Variants in UTY observed in about 807,000 individuals in gnomAD.
The protein encoded by UTY is ubiquitously transcribed tetratricopeptide repeat containing, Y-linked.
UTY carries 12 observed loss-of-function variants against 32.5 expected under a neutral mutation model. That is an observed-to-expected ratio of 0.37 (90% CI 0.24 to 0.60). UTY has a LOEUF of 0.60. UTY is among the 20% of genes least tolerant of loss of function. The pLI, the probability that UTY is intolerant of heterozygous loss-of-function variation, is 0.69. For missense variants in UTY, 303 were observed against 299.2 expected (o/e 1.01, Z -0.09); for synonymous variants, 131 against 103.4 (o/e 1.27, Z -1.62).
chrY:13,274,035 T>TA (rs370208300), intron 27 of UTY, among the ~76,000 whole-genome samples: 5 of 29,219 alleles, frequency 1.7e-4, no homozygotes, highest in African/African-American at 5.4e-4. Flanking sequence ...ACCAGATAGA[T>TA]AAAAAAATAG....
intron 28 of UTY, among the ~76,000 whole-genome samples, chrY:13,252,012 C>T (rs2054211123): frequency 3.4e-5 from 1 of 29,029 alleles, no homozygotes; most frequent in African/African-American, 1.4e-4. Flanking sequence ...AACCCCGTCT[C>T]TACTAAAAAT....
At chrY:13,311,486 T>G (rs2059082467) in intron 21 of UTY, among the ~76,000 whole-genome samples, 1 of 29,077 alleles carries the variant, frequency 3.4e-5, no homozygotes, top group South Asian at 8.1e-4. Flanking sequence ...TCCCAGCTAC[T>G]CGGGAGGCTG....
chrY:13,322,476 G>A (rs2059897395), intron 21 of UTY, among the ~76,000 whole-genome samples: 1 of 32,172 alleles, frequency 3.1e-5, no homozygotes, highest in Non-Finnish European at 7.6e-5. Context: ...GTAGAGATGG[G>A]TTTTACCATG....
At chrY:13,372,891 A>G (rs2065058634) in intron 8 of UTY, among the ~76,000 whole-genome samples, 1 of 33,423 alleles carries the variant, frequency 3.0e-5, no homozygotes, top group South Asian at 6.6e-4. Context: ...ATATCACTTC[A>G]CAATCACCAG....
intron 3 of UTY, among the ~76,000 whole-genome samples, chrY:13,459,262 C>A: frequency 3.1e-5 from 1 of 32,500 alleles, no homozygotes; most frequent in Non-Finnish European, 7.5e-5. Context: ...CCATTTGCAA[C>A]CTATAAAGTT....
At chrY:13,325,355 G>T (rs2060165489) in intron 19 of UTY, among the ~76,000 whole-genome samples, 1 of 32,883 alleles carries the variant, frequency 3.0e-5, no homozygotes, top group Non-Finnish European at 7.5e-5. Context: ...AAATCCTCTC[G>T]TACAGATCTG....
chrY:13,260,743 T>C (rs2055202330), intron 27 of UTY, among the ~76,000 whole-genome samples: 1 of 32,917 alleles, frequency 3.0e-5, no homozygotes, highest in Non-Finnish European at 7.5e-5. Flanking sequence ...AGTTCAGAAT[T>C]ACAGGTTGGA....
At chrY:13,318,929 G>C in intron 21 of UTY, among the ~76,000 whole-genome samples, 1 of 32,436 alleles carries the variant, frequency 3.1e-5, no homozygotes, top group Non-Finnish European at 7.5e-5. Flanking sequence ...ATTGAACCTG[G>C]GAGGTAGAGA....
intron 10 of UTY, among the ~76,000 whole-genome samples, chrY:13,362,892 T>C (rs2063687555): frequency 3.0e-5 from 1 of 32,913 alleles, no homozygotes; most frequent in Non-Finnish European, 7.5e-5. Context: ...AGTATATTAT[T>C]GAAACTAATT....
intron 4 of UTY, among the ~76,000 whole-genome samples, chrY:13,425,520 CA>C (rs2073130659): frequency 3.0e-5 from 1 of 33,650 alleles, no homozygotes; most frequent in African/African-American, 1.2e-4. Context: ...CAGTTGGCAC[CA>C]AGGTACTACA....
At chrY:13,364,287 T>C (rs867563689) in intron 10 of UTY, among the ~76,000 whole-genome samples, 3 of 32,063 alleles carry the variant, frequency 9.4e-5, no homozygotes, top group African/African-American at 3.6e-4. Context: ...AATTAAGATA[T>C]AACCTTGTTT....
chrY:13,462,578 T>C (rs2077473594), intron 3 of UTY, among the ~76,000 whole-genome samples: 2 of 33,147 alleles, frequency 6.0e-5, no homozygotes, highest in African/African-American at 2.4e-4. Context: ...ATAATGTCTT[T>C]AAGGGACATG....
chrY:13,410,915 T>C, intron 6 of UTY, 78 bp downstream of exon 6: 2 of 347,389 alleles, frequency 5.8e-6, no homozygotes, highest in Non-Finnish European at 8.1e-6. Context: ...TCAGTGACAT[T>C]AAAGTGTGCA....
chrY:13,384,882 C>G (rs553507993), intron 8 of UTY, among the ~76,000 whole-genome samples: 2,808 of 33,240 alleles, frequency 0.084, no homozygotes, highest in East Asian at 0.061. Flanking sequence ...TTCACTCTTG[C>G]TACCCAGGCT....
chrY:13,364,239 A>C (rs777537844), intron 10 of UTY, among the ~76,000 whole-genome samples: 2 of 32,728 alleles, frequency 6.1e-5, no homozygotes, highest in African/African-American at 1.2e-4. Flanking sequence ...AAAAAAAAAA[A>C]AACCAAAATT....
chrY:13,325,331 G>A, intron 19 of UTY, among the ~76,000 whole-genome samples: 14 of 32,977 alleles, frequency 4.2e-4, no homozygotes, highest in Non-Finnish European at 8.2e-4. Context: ...TCCAAAGAAA[G>A]GCCAGTATCT....
At chrY:13,412,815 G>C in intron 5 of UTY, among the ~76,000 whole-genome samples, 4 of 33,327 alleles carry the variant, frequency 1.2e-4, no homozygotes. Context: ...TCTTTACATG[G>C]GGCAAAGCAT....
At chrY:13,276,860 CAAAACAAAAACA>C in intron 27 of UTY, among the ~76,000 whole-genome samples, 1 of 33,481 alleles carries the variant, frequency 3.0e-5, no homozygotes, top group Non-Finnish European at 7.4e-5. Flanking sequence ...TAAGAAAAAA[CAAAACAAAAACA>C]AAAACAAAAA....
intron 7 of UTY, chrY:13,396,415 T>C (rs2068242613): frequency 3.0e-5 from 1 of 33,612 alleles, no homozygotes; most frequent in African/African-American, 1.2e-4. Context: ...CCCAAAATAT[T>C]AACTGTAGTC....
Sources: gnomAD v4.1 joint callset for allele counts (sites outside exome capture counted in the v4.1 genomes callset) on GRCh38, gnomAD v4.1.1 for gene constraint, MANE v1.5 for transcripts, NCBI Gene and HGNC (gene_info 2026-07-23, HGNC 2026-07-21) for gene names.